XKR4: variants seen among roughly 807,000 people sequenced by gnomAD.
XKR4 encodes XK related 4.
XKR4 carries 12 observed loss-of-function variants against 53.9 expected under a neutral mutation model. That is an observed-to-expected ratio of 0.22 (90% confidence interval 0.14 to 0.36). The LOEUF is 0.36. XKR4 is among the 10% of genes least tolerant of loss of function. The pLI is 1.00. For synonymous variants in XKR4, 354 were observed against 362.4 expected (o/e 0.98, Z 0.26); for missense variants, 799 against 859.5 (o/e 0.93, Z 0.88).
chr8:55,212,444 AG>A (rs1244876358), intron 1 of XKR4, among the ~76,000 whole-genome samples: 1 of 152,186 alleles, frequency 6.6e-6, no homozygotes, highest in Non-Finnish European at 1.5e-5. Flanking sequence ...ATTGCTGGAA[AG>A]AGTCTGTTTG....
At chr8:55,381,552 G>A (rs1804232608) in intron 2 of XKR4, among the ~76,000 whole-genome samples, 1 of 152,170 alleles carries the variant, frequency 6.6e-6, no homozygotes, top group African/African-American at 2.4e-5. Flanking sequence ...CCGAGGGGAG[G>A]AGAAGGGTGT....
chr8:55,441,271 C>T (rs929197666), intron 2 of XKR4, among the ~76,000 whole-genome samples: 2 of 151,662 alleles, frequency 1.3e-5, no homozygotes, highest in African/African-American at 4.8e-5. Context: ...AAGTACAGCA[C>T]ATTGTCAGTG....
At chr8:55,351,146 A>T (rs1002267312) in intron 1 of XKR4, among the ~76,000 whole-genome samples, 3 of 152,192 alleles carry the variant, frequency 2.0e-5, no homozygotes, top group African/African-American at 7.2e-5. Context: ...CACTTAAAAT[A>T]ATTAGGACGG....
At chr8:55,451,214 C>CT (rs1805436623) in intron 2 of XKR4, 1 of 562,938 alleles carries the variant, frequency 1.8e-6, no homozygotes, top group Non-Finnish European at 3.2e-6. Context: ...TGCCAGCTAG[C>CT]TGGGAGCCCA....
At position 55,102,402 on chromosome 8, in the gene XKR4, CG is replaced by C. The variant is rs1158526309; in HGVS notation, c.-83del. The C allele has an allele frequency of 4.9e-6, 7 of 1,419,968 alleles. No homozygotes were observed. The highest frequency in any genetic ancestry group is 6.0e-5 in the East Asian group (2 of 33,598). The allele number at this position is 1,419,968 out of a possible 1,614,324, so 88.0% of individuals were successfully genotyped here. On this transcript the variant is annotated 5_prime_UTR_variant, in exon 1 of 3. Coordinates refer to ENST00000327381, the MANE Select transcript of XKR4 (RefSeq NM_052898.2). This position sits in a 1 kb window ranked among gnomAD's most constrained non-coding sequence, Gnocchi z 5.1. ...GAGCCGCACCGCCTGGGAGGGAAGC[CG>C]GGGCGAGGCGAGGAGGTGGCGGGAG...
chr8:55,368,897 G>T (rs1804030820), intron 2 of XKR4, among the ~76,000 whole-genome samples: 1 of 152,078 alleles, frequency 6.6e-6, no homozygotes, highest in Non-Finnish European at 1.5e-5. Context: ...ATAAAGGAAA[G>T]GACACAATAT....
intron 2 of XKR4, among the ~76,000 whole-genome samples, chr8:55,413,774 T>C (rs1804807184): frequency 6.6e-6 from 1 of 152,204 alleles, no homozygotes; most frequent in African/African-American, 2.4e-5. Flanking sequence ...CTTAATCCAA[T>C]CAGTCTCACC....
intron 1 of XKR4, among the ~76,000 whole-genome samples, chr8:55,230,800 C>T (rs1434408572): frequency 1.3e-5 from 2 of 152,208 alleles, no homozygotes; most frequent in Non-Finnish European, 2.9e-5. Context: ...TCACCTTTAT[C>T]TCCTTGTTCT....
intron 1 of XKR4, among the ~76,000 whole-genome samples, chr8:55,246,931 C>G (rs939073872): frequency 1.3e-5 from 2 of 152,108 alleles, no homozygotes; most frequent in Non-Finnish European, 2.9e-5. Flanking sequence ...AGGAAAATCC[C>G]TGGGGGCCGG....
rs1817801668 is a variant in XKR4 at position 55,216,542 on chromosome 8, A to G, written c.806+113248A>G. On this transcript the variant is annotated intron_variant, in intron 1 of 2. Coordinates refer to ENST00000327381, the MANE Select transcript of XKR4 (RefSeq NM_052898.2). ...CAGGAGTTCGAGACCAGCCTGTCCA[A>G]CATGGAGAAACCCCATCTCTACTAA... Among the ~76,000 whole-genome samples the G allele has an allele frequency of 2.0e-5, 3 of 152,162 alleles. No homozygotes were observed. The South Asian group carries it at 6.2e-4, about 32-fold the overall frequency.
At chr8:55,134,817 G>A (rs1009486866) in intron 1 of XKR4, among the ~76,000 whole-genome samples, 1 of 152,224 alleles carries the variant, frequency 6.6e-6, no homozygotes, top group Non-Finnish European at 1.5e-5. Flanking sequence ...CATATACTGA[G>A]TGCTGTTCAC....
intron 1 of XKR4, among the ~76,000 whole-genome samples, chr8:55,324,546 C>G (rs1256271058): frequency 6.6e-6 from 1 of 152,190 alleles, no homozygotes; most frequent in Non-Finnish European, 1.5e-5. Context: ...CCATTTTCCT[C>G]TGACCACGAA....
chr8:55,265,524 A>G (rs1414200948), intron 1 of XKR4, among the ~76,000 whole-genome samples: 1 of 152,164 alleles, frequency 6.6e-6, no homozygotes, highest in African/African-American at 2.4e-5. Flanking sequence ...TAGGGAAGAT[A>G]AGTAGGGTGT....
At chr8:55,441,120 G>T (rs2622594) in intron 2 of XKR4, among the ~76,000 whole-genome samples, 48,812 of 151,246 alleles carry the variant, frequency 0.32, 8,003 homozygotes, top group African/African-American at 0.37. Flanking sequence ...CATGCCTGTA[G>T]TCCTAGCTAC....
intron 1 of XKR4, among the ~76,000 whole-genome samples, chr8:55,168,440 A>G (rs1253499146): frequency 6.6e-6 from 1 of 152,158 alleles, no homozygotes; most frequent in African/African-American, 2.4e-5. Context: ...TTATTACCTT[A>G]TAATAATTTT....
At chr8:55,397,015 G>GT (rs1195374736) in intron 2 of XKR4, among the ~76,000 whole-genome samples, 2 of 152,142 alleles carry the variant, frequency 1.3e-5, no homozygotes, top group African/African-American at 4.8e-5. Context: ...ACAAATTTAG[G>GT]TTAATTTTCA....
intron 2 of XKR4, among the ~76,000 whole-genome samples, chr8:55,433,961 G>A (rs1240854691): frequency 6.6e-6 from 1 of 152,178 alleles, no homozygotes; most frequent in Admixed American, 6.5e-5. Flanking sequence ...CATAGCCGAG[G>A]AGACTGAGGT....
chr8:55,243,393 C>T (rs1818238368), intron 1 of XKR4, among the ~76,000 whole-genome samples: 1 of 152,144 alleles, frequency 6.6e-6, no homozygotes, highest in African/African-American at 2.4e-5. Context: ...CACAGTTTTG[C>T]CTTTTTCAGT....
intron 2 of XKR4, among the ~76,000 whole-genome samples, chr8:55,458,133 A>C (rs567911836): frequency 1.3e-5 from 2 of 152,070 alleles, no homozygotes; most frequent in South Asian, 4.2e-4. Context: ...AAGCCAATCC[A>C]AAAAAAAATT....
Sources: allele counts gnomAD v4.1 joint callset (sites outside exome capture counted in the v4.1 genomes callset), GRCh38; gene constraint gnomAD v4.1.1; non-coding constraint Gnocchi (gnomAD v3.1); transcripts MANE v1.5; gene names NCBI Gene and HGNC (gene_info 2026-07-23, HGNC 2026-07-21).